Variants in GANC observed in about 807,000 individuals in gnomAD.
GANC encodes the protein neutral alpha-glucosidase C.
GANC carries 117 observed loss-of-function variants against 124.2 expected under a neutral mutation model. The ratio of observed to expected loss-of-function variants is 0.94; its 90% CI spans 0.81 to 1.10. GANC has a LOEUF of 1.10. Ranked by LOEUF, GANC falls within the 50% of genes least tolerant of loss-of-function variation. The pLI, the probability that GANC is intolerant of heterozygous loss-of-function variation, is 0.00. For missense variants in GANC, 1,140 were observed against 1,095.0 expected, an observed-to-expected ratio of 1.04 and a Z score of -0.58; for synonymous variants, 377 against 376.8, an observed-to-expected ratio of 1.00 and a Z score of -0.01.
At chr15:42,276,487 G>T in intron 2 of GANC, 77 bp downstream of exon 2, 1 of 695,660 alleles carries the variant, frequency 1.4e-6, no homozygotes, top group Non-Finnish European at 2.6e-6. Context: ...TAAATTTTTG[G>T]AACTGATAGA....
intron 4 of GANC, among the ~76,000 whole-genome samples, chr15:42,290,982 T>G (rs1265255561): frequency 6.6e-6 from 1 of 151,980 alleles, no homozygotes; most frequent in Non-Finnish European, 1.5e-5. Context: ...TGTATTGACC[T>G]CACCTAAAAT....
intron 21 of GANC, 45 bp downstream of exon 21, chr15:42,348,261 A>G (rs2141083452): frequency 8.3e-7 from 1 of 1,210,860 alleles, no homozygotes; most frequent in East Asian, 2.4e-5. Context: ...CTCTTTCTTT[A>G]CAGTGATAGC....
At chr15:42,284,408 T>G (rs1299282334) in intron 3 of GANC, 1 of 165,530 alleles carries the variant, frequency 6.0e-6, no homozygotes, top group Non-Finnish European at 1.3e-5. Flanking sequence ...AAAACTAGAT[T>G]TGTGGATAAC....
intron 10 of GANC, among the ~76,000 whole-genome samples, chr15:42,312,417 T>G (rs905301502): frequency 1.3e-5 from 2 of 152,124 alleles, no homozygotes; most frequent in Non-Finnish European, 1.5e-5. Flanking sequence ...AAGGGGAGTT[T>G]CCCTGCACAA....
At chr15:42,309,924 G>T (rs1282273211) in intron 8 of GANC, among the ~76,000 whole-genome samples, 1 of 152,146 alleles carries the variant, frequency 6.6e-6, no homozygotes, top group African/African-American at 2.4e-5. Context: ...GGAGGCTGAG[G>T]TGGGAGAACT....
chr15:42,287,784 C>G lies in GANC; in HGVS notation c.295C>G (p.Pro99Ala). The G allele has an allele frequency of 6.2e-7, 1 of 1,613,234 alleles. No homozygotes were observed. Among genetic ancestry groups the G allele is most frequent in the East Asian group, 2.2e-5 (1 of 44,842 alleles). The change falls in exon 4 of 24, where the codon CCG becomes GCG. Residue 99 changes from proline to alanine, a missense_variant. By Grantham distance (27) the Pro-to-Ala change is conservative. Coordinates refer to ENST00000318010, the MANE Select transcript of GANC (RefSeq NM_198141.3). Reference sequence around the variant, plus strand: ...TCCTCTAAAACCCAGATTTGAAGTTCCGGATGTCCTCACAAGCAAGCCAAG... The same window carrying G: ...TCCTCTAAAACCCAGATTTGAAGTTGCGGATGTCCTCACAAGCAAGCCAAG... ...ETPLKPRFEV[P>A]DVLTSKPSTV...
At chr15:42,328,727 C>G (rs1382456085) in intron 13 of GANC, among the ~76,000 whole-genome samples, 1 of 152,146 alleles carries the variant, frequency 6.6e-6, no homozygotes, top group Admixed American at 6.5e-5. Flanking sequence ...ATAAGTGATT[C>G]TAGAAAAGAC....
At chr15:42,319,246 A>G (rs1289943845) in intron 10 of GANC, among the ~76,000 whole-genome samples, 1 of 152,138 alleles carries the variant, frequency 6.6e-6, no homozygotes, top group South Asian at 2.1e-4. Flanking sequence ...ATTTTTTTCA[A>G]GTAGCAAATT....
intron 20 of GANC, among the ~76,000 whole-genome samples, chr15:42,347,097 A>G (rs997377503): frequency 6.6e-6 from 1 of 152,010 alleles, no homozygotes. Flanking sequence ...GAATTGAGAC[A>G]AGCCCCCAGG....
At chr15:42,274,594 G>A (rs2141005892) in intron 1 of GANC, 84 bp downstream of exon 1, 4 of 1,288,178 alleles carry the variant, frequency 3.1e-6, no homozygotes, top group South Asian at 1.4e-5. Context: ...TCTTATTTGC[G>A]TATTTGGTAT....
chr15:42,347,045 G>A lies in GANC; in HGVS notation c.2305-1058G>A, dbSNP rs2052371252. Among the ~76,000 whole-genome samples, 3 of 151,196 alleles carry A rather than the reference G, an allele frequency of 2.0e-5. No individual in the cohort carries two copies. In the South Asian group the frequency reaches 6.3e-4, roughly 32 times the overall value. On this transcript the variant is annotated intron_variant, in intron 20 of 23. Coordinates refer to ENST00000318010, the MANE Select transcript of GANC (RefSeq NM_198141.3). ...CAGGTAAAAAACCCTGAGATTCAGA[G>A]AAGTTAAATTATTTGTCCAGGAACA...
intron 2 of GANC, among the ~76,000 whole-genome samples, chr15:42,276,898 A>G (rs1000593735): frequency 1.3e-5 from 2 of 150,554 alleles, no homozygotes; most frequent in Admixed American, 1.3e-4. Flanking sequence ...TTCCTGCTTT[A>G]TAGTTTGTTC....
intron 3 of GANC, among the ~76,000 whole-genome samples, chr15:42,281,967 T>C (rs1254697281): frequency 6.6e-6 from 1 of 151,908 alleles, no homozygotes; most frequent in Admixed American, 6.6e-5. Context: ...CAGATGGATC[T>C]CCTGAGGTCA....
At chr15:42,304,870 T>C (rs1044337767) in intron 6 of GANC, among the ~76,000 whole-genome samples, 1 of 152,222 alleles carries the variant, frequency 6.6e-6, no homozygotes, top group Non-Finnish European at 1.5e-5. Context: ...AAGGATTTCC[T>C]ATTTAATAAA....
intron 7 of GANC, among the ~76,000 whole-genome samples, chr15:42,307,969 G>C (rs1300724593): frequency 6.6e-6 from 1 of 152,220 alleles, no homozygotes; most frequent in African/African-American, 2.4e-5. Flanking sequence ...AGAGGACACA[G>C]AGAGCTTCAT....
chr15:42,339,877 C>G lies in GANC; in HGVS notation c.2052C>G (p.Phe684Leu), dbSNP rs771781389. ...TCCTGCCATATTGGTATTCTCTGTT[C>G]TACCATGCACACGTGGCTTCCCAAC... ...YGLLPYWYSL[F>L]YHAHVASQPV... is the part of the protein sequence containing the mutation. The change falls in exon 17 of 24, where the codon TTC becomes TTG. Residue 684 changes from phenylalanine (F) to leucine (L), a missense_variant. Phe to Leu is a conservative substitution (Grantham distance 22). Coordinates refer to ENST00000318010, the MANE Select transcript of GANC (RefSeq NM_198141.3). The G allele has an allele frequency of 6.2e-7, 1 of 1,614,144 alleles. No homozygotes were observed. The highest frequency in any genetic ancestry group is 1.1e-5 in the South Asian group (1 of 91,072).
rs1256649951 is a variant in GANC, at chr15:42,352,182, C to T, written c.*43C>T. 1.2e-6 allele frequency: 2 copies of T among 1,606,748 alleles called. No individual in the cohort carries two copies. Among genetic ancestry groups the T allele is most frequent in the East Asian group, 2.2e-5 (1 of 44,710 alleles). On this transcript the variant is annotated 3_prime_UTR_variant, in exon 24 of 24. Coordinates refer to ENST00000318010, the MANE Select transcript of GANC (RefSeq NM_198141.3). ...TGATGTGAGCAGGGACCTGCCTGCCCCTTTCAACCTTTCCCCTCACCTTTT... is the reference window on the plus strand; with the variant it reads ...TGATGTGAGCAGGGACCTGCCTGCCTCTTTCAACCTTTCCCCTCACCTTTT...
chr15:42,318,016 T>C (rs1297065884), intron 10 of GANC, among the ~76,000 whole-genome samples: 1 of 152,222 alleles, frequency 6.6e-6, no homozygotes, highest in Non-Finnish European at 1.5e-5. Context: ...TAAATCAATA[T>C]TCAATGTTTA....
At chr15:42,348,289 C>T (rs1378918925) in intron 21 of GANC, 73 bp downstream of exon 21, 2 of 894,762 alleles carry the variant, frequency 2.2e-6, no homozygotes, top group African/African-American at 3.4e-5. Context: ...GTGTGTGACA[C>T]TACGTAAAAG....
Sources: allele counts gnomAD v4.1 joint callset (sites outside exome capture counted in the v4.1 genomes callset), GRCh38; gene constraint gnomAD v4.1.1; transcripts MANE v1.5; gene names NCBI Gene and HGNC (gene_info 2026-07-23, HGNC 2026-07-21).